UNC13C: variants seen among roughly 807,000 people sequenced by gnomAD.
UNC13C encodes protein unc-13 homolog C.
A neutral mutation model predicts 245.4 loss-of-function variants in UNC13C; 174 were observed. That is an observed-to-expected ratio of 0.71 (90% confidence interval 0.63 to 0.80). The LOEUF (loss-of-function observed/expected upper bound fraction) is 0.80. Ranked by LOEUF, UNC13C falls within the 30% of genes least tolerant of loss-of-function variation. The pLI is 0.00. For synonymous variants in UNC13C, 992 were observed against 895.1 expected (o/e 1.11, Z -1.93); for missense variants, 2,829 against 2,602.9 (o/e 1.09, Z -1.89).
intron 18 of UNC13C, among the ~76,000 whole-genome samples, chr15:54,410,773 T>A (rs1828533): frequency 0.23 from 34,588 of 151,970 alleles, 4,119 homozygotes; most frequent in African/African-American, 0.3. Flanking sequence ...TGTAGTATAA[T>A]TTGAAGTTAG....
chr15:54,209,610 T>C (rs28412332), intron 4 of UNC13C, among the ~76,000 whole-genome samples: 12,679 of 152,004 alleles, frequency 0.083, 743 homozygotes, highest in African/African-American at 0.16. Context: ...GACAGGATTT[T>C]GCCATATTGC....
At chr15:54,473,773 A>G (rs1251299087) in intron 19 of UNC13C, among the ~76,000 whole-genome samples, 1 of 151,768 alleles carries the variant, frequency 6.6e-6, no homozygotes, top group African/African-American at 2.4e-5. Context: ...ATGGGATACA[A>G]GTGCATTTTG....
chr15:54,038,735 C>A (rs1896693974), intron 2 of UNC13C, among the ~76,000 whole-genome samples: 2 of 152,158 alleles, frequency 1.3e-5, no homozygotes, highest in Non-Finnish European at 2.9e-5. Context: ...CTTTGAATAA[C>A]TAAGATCACA....
chr15:54,522,106 A>G (rs1340765663), intron 24 of UNC13C, among the ~76,000 whole-genome samples: 1 of 152,200 alleles, frequency 6.6e-6, no homozygotes, highest in Non-Finnish European at 1.5e-5. Context: ...AGATAAGTGA[A>G]TTATCTTTTA....
intron 19 of UNC13C, among the ~76,000 whole-genome samples, chr15:54,424,421 G>C (rs1240381624): frequency 1.3e-5 from 2 of 151,750 alleles, no homozygotes; most frequent in African/African-American, 2.4e-5. Flanking sequence ...TTTTTATTTG[G>C]AAACCTTCCA....
At chr15:54,001,399 G>A (rs552046224) in intron 1 of UNC13C, among the ~76,000 whole-genome samples, 2 of 152,310 alleles carry the variant, frequency 1.3e-5, no homozygotes, top group Non-Finnish European at 2.9e-5. Flanking sequence ...TTAACTGCAT[G>A]TAACACTATA....
intron 1 of UNC13C, among the ~76,000 whole-genome samples, chr15:54,005,842 G>C (rs900959006): frequency 6.6e-6 from 1 of 152,086 alleles, no homozygotes; most frequent in African/African-American, 2.4e-5. Context: ...CTAGAGCAGA[G>C]GGTATACAAT....
At chr15:54,536,526 C>T (rs527252182) in intron 26 of UNC13C, among the ~76,000 whole-genome samples, 15 of 151,914 alleles carry the variant, frequency 9.9e-5, no homozygotes, top group Middle Eastern at 6.8e-3. Flanking sequence ...AAAGACACAA[C>T]AAAAAAGGAA....
At chr15:53,891,530 A>C in the UNC13C span, among the ~76,000 whole-genome samples, 1 of 152,134 alleles carries the variant, frequency 6.6e-6, no homozygotes, top group Non-Finnish European at 1.5e-5. Flanking sequence ...TTGCTTTATG[A>C]ATGTGGGTGC....
At chr15:53,898,941 C>G in the UNC13C span, among the ~76,000 whole-genome samples, 1 of 152,092 alleles carries the variant, frequency 6.6e-6, no homozygotes, top group African/African-American at 2.4e-5. Flanking sequence ...CAACACTTCT[C>G]CATACACTGC....
intron 12 of UNC13C, among the ~76,000 whole-genome samples, chr15:54,298,627 A>C (rs1209896502): frequency 6.6e-6 from 1 of 152,172 alleles, no homozygotes; most frequent in African/African-American, 2.4e-5. Flanking sequence ...CCCAACATCA[A>C]TCAAAAGCAC....
chr15:54,609,595 A>G (rs1250730321), intron 30 of UNC13C, among the ~76,000 whole-genome samples: 1 of 152,178 alleles, frequency 6.6e-6, no homozygotes, highest in Non-Finnish European at 1.5e-5. Context: ...AATTCAGATA[A>G]TATGAGAGTG....
intron 19 of UNC13C, among the ~76,000 whole-genome samples, chr15:54,492,543 T>TA (rs1893765142): frequency 6.6e-6 from 1 of 152,200 alleles, no homozygotes; most frequent in Admixed American, 6.5e-5. Flanking sequence ...ATTTAATACT[T>TA]AACATAGTTC....
intron 19 of UNC13C, among the ~76,000 whole-genome samples, chr15:54,417,246 A>G (rs78708364): frequency 0.03 from 4,618 of 152,226 alleles, 187 homozygotes; most frequent in Admixed American, 0.12. Context: ...TGCCAACTTT[A>G]CCAGGTAATC....
chr15:54,617,291 T>C (rs1357385484), intron 30 of UNC13C, among the ~76,000 whole-genome samples: 1 of 152,082 alleles, frequency 6.6e-6, no homozygotes, highest in Non-Finnish European at 1.5e-5. Context: ...AGCCATATTT[T>C]AAATGCCATT....
intron 2 of UNC13C, among the ~76,000 whole-genome samples, chr15:54,059,478 T>C (rs1165585053): frequency 6.6e-6 from 1 of 152,044 alleles, no homozygotes; most frequent in African/African-American, 2.4e-5. Context: ...TACAAACAAA[T>C]GGAAGAACAT....
At chr15:54,519,781 AACCACAGTATTCATGCTGAC>A (rs1306244013) in intron 24 of UNC13C, among the ~76,000 whole-genome samples, 3 of 152,156 alleles carry the variant, frequency 2.0e-5, no homozygotes, top group Non-Finnish European at 4.4e-5. Flanking sequence ...TCTGACAACA[AACCACAGTATTCATGCTGAC>A]ACCACAGGCT....
downstream of UNC13C, chr15:54,629,815 A>G (rs1048402837): frequency 6.6e-6 from 1 of 152,218 alleles, no homozygotes; most frequent in Non-Finnish European, 1.5e-5. Context: ...GTTTAATTGC[A>G]TCCAATTATT....
chr15:53,991,720 A>C (rs1894399075), intron 1 of UNC13C, among the ~76,000 whole-genome samples: 1 of 152,074 alleles, frequency 6.6e-6, no homozygotes, highest in Non-Finnish European at 1.5e-5. Context: ...CTGCCACTCC[A>C]ATGTTGCAAC....
Sources: gnomAD v4.1 joint callset for allele counts (sites outside exome capture counted in the v4.1 genomes callset) on GRCh38, gnomAD v4.1.1 for gene constraint, MANE v1.5 for transcripts, NCBI Gene and HGNC (gene_info 2026-07-23, HGNC 2026-07-21) for gene names.